ERN2: variants seen among roughly 807,000 people sequenced by gnomAD.
ERN2 encodes the protein serine/threonine-protein kinase/endoribonuclease IRE2.
ERN2 carries 111 observed loss-of-function variants against 107.9 expected under a neutral mutation model. The ratio of observed to expected loss-of-function variants is 1.03; its 90% CI spans 0.88 to 1.20. The LOEUF (loss-of-function observed/expected upper bound fraction) is 1.20. Among genes scored for constraint, ERN2 ranks in the 50% most tolerant of loss-of-function variants. The pLI, the probability that ERN2 is intolerant of heterozygous loss-of-function variation, is 0.00. For synonymous variants in ERN2, 524 were observed against 501.7 expected (o/e 1.04, Z -0.59); for missense variants, 1,225 against 1,197.9 (o/e 1.02, Z -0.33).
intron 19 of ERN2, 41 bp downstream of exon 19, chr16:23,691,922 C>G: frequency 6.3e-7 from 1 of 1,599,184 alleles, no homozygotes; most frequent in Non-Finnish European, 8.5e-7. Context: ...AGGACCCAAA[C>G]TTAGGACTTT....
intron 11 of ERN2, among the ~76,000 whole-genome samples, chr16:23,701,744 G>C (rs11074571): frequency 0.92 from 139,695 of 151,748 alleles, 64,477 homozygotes; most frequent in Non-Finnish European, 0.95. Context: ...ATCCTCCCAC[G>C]TCAGCCTCCT....
Position 23,705,284 on chromosome 16 carries a change from G to C in ERN2, c.590-137C>G, listed in dbSNP as rs538624043. On this transcript the variant is annotated intron_variant, in intron 7 of 21. Transcript: ENST00000256797. The stretch of plus-strand genomic sequence containing the variant: ...TATCTGGACATGAGAATGTTTGTTG[G>C]AGTTCATGGAGTCACTTTGAAAACG... 38 of 961,336 alleles carry C rather than the reference G, an allele frequency of 4.0e-5. 1 individual carries two copies. In the South Asian group the frequency reaches 4.8e-4, roughly 12 times the overall value. The allele number at this position is 961,336 out of a possible 1,614,324, so 59.6% of individuals were successfully genotyped here.
rs930753629 is a variant in ERN2 at position 23,706,762 on chromosome 16, C to T, written c.479G>A (p.Gly160Asp). 1 of 1,606,244 alleles carries T rather than the reference C, an allele frequency of 6.2e-7. No homozygotes were observed. ...EGPSTPRLYI[G>D]RTQYTVTMHD... is the part of the protein sequence containing the mutation. ...GCTGGGGCCCAACTCACGTGTTCGGCCAATGTAGAGGCGGGGGGTGGAGGG... is the reference window on the plus strand; with the variant it reads ...GCTGGGGCCCAACTCACGTGTTCGGTCAATGTAGAGGCGGGGGGTGGAGGG... Residue 160 changes from glycine to aspartate, a missense_variant, in exon 6 of 22, where the codon GGC becomes GAC. By Grantham distance (94) the Gly-to-Asp change is moderately conservative (BLOSUM62 -1). Transcript: ENST00000256797.
intron 13 of ERN2, among the ~76,000 whole-genome samples, chr16:23,697,682 C>T (rs1959886094): frequency 6.6e-6 from 1 of 152,166 alleles, no homozygotes; most frequent in South Asian, 2.1e-4. Context: ...TCTGCACACA[C>T]AGATATTTGT....
intron 8 of ERN2, 130 bp downstream of exon 8, chr16:23,704,753 A>C: frequency 9.3e-7 from 1 of 1,071,586 alleles, no homozygotes. Flanking sequence ...TAAGTAACCA[A>C]TTTGAAATGT....
In ERN2 at chr16:23,700,674, C is replaced by A. The variant is rs199789139; in HGVS notation, c.1390G>T (p.Glu464Ter). The change falls in exon 13 of 22, where the codon GAG (glutamate) becomes TAG (stop). Residue 464 changes from glutamate to a stop codon, truncating the protein, a stop_gained. Coordinates refer to ENST00000256797, the MANE Select transcript of ERN2 (RefSeq NM_033266.4). LOFTEE classifies it high-confidence loss of function. ...QQPQVVEKQQ[E>*]TPLAPADFAH... is the part of the protein sequence containing the mutation. ...AAGTCTGCAGGTGCCAGGGGGGTCTCCTGCTGCTTCTCCACCACCTGCGGC... is the reference window on the plus strand; with the variant it reads ...AAGTCTGCAGGTGCCAGGGGGGTCTACTGCTGCTTCTCCACCACCTGCGGC... The A allele has an allele frequency of 6.2e-7, 1 of 1,613,782 alleles. No homozygotes were observed. The highest frequency in any genetic ancestry group is 1.7e-5 in the Admixed American group (1 of 59,980).
intron 4 of ERN2, chr16:23,707,315 A>G (rs1960359928): frequency 1.9e-6 from 1 of 533,596 alleles, no homozygotes; most frequent in African/African-American, 1.9e-5. Flanking sequence ...AGCACACTGA[A>G]TCATTTTGCT....
chr16:23,695,992 G>C lies in ERN2; in HGVS notation c.1526-14C>G. The C allele has an allele frequency of 6.2e-7, 1 of 1,607,768 alleles. No homozygotes were observed. The highest frequency in any genetic ancestry group is 1.3e-5 in the African/African-American group (1 of 74,936). On this transcript the variant is annotated splice_polypyrimidine_tract_variant and intron_variant, in intron 13 of 21. Coordinates refer to ENST00000256797, the MANE Select transcript of ERN2 (RefSeq NM_033266.4). ...TGAGTTGCTCAGCTGGGGGAGAGGAGGGTGGTGACTCAGGGAGCCTCTGCC... is the reference window on the plus strand; with the variant it reads ...TGAGTTGCTCAGCTGGGGGAGAGGACGGTGGTGACTCAGGGAGCCTCTGCC...
intron 14 of ERN2, 128 bp downstream of exon 14, chr16:23,695,766 G>A: frequency 1.6e-6 from 1 of 632,400 alleles, no homozygotes; most frequent in Non-Finnish European, 2.9e-6. Flanking sequence ...GGAAAGAGCA[G>A]GACTGGCGAG....
At chr16:23,698,031 A>G (rs1006950140) in intron 13 of ERN2, among the ~76,000 whole-genome samples, 1 of 152,144 alleles carries the variant, frequency 6.6e-6, no homozygotes, top group Non-Finnish European at 1.5e-5. Flanking sequence ...TAAAGTAATC[A>G]AAAATCTCGT....
intron 6 of ERN2, 54 bp from the exon 7 acceptor site, chr16:23,706,485 A>T: frequency 1.5e-6 from 2 of 1,319,396 alleles, no homozygotes; most frequent in Non-Finnish European, 1.1e-6. Context: ...GCTCCCTCCA[A>T]CCCCAGGGGC....
chr16:23,709,364 G>GA (rs1358096631), intron 4 of ERN2: 2 of 290,700 alleles, frequency 6.9e-6, no homozygotes, highest in African/African-American at 4.5e-5. Flanking sequence ...TCAGAGTCCT[G>GA]ATGTGGAAGA....
At position 23,691,371 on chromosome 16, in the gene ERN2, G is replaced by T; in HGVS notation, c.2431C>A (p.Leu811Met). 6.2e-7 allele frequency: 1 copy of T among 1,603,212 alleles called. No homozygotes were observed. ...ACCACTGCGCAGCCTCCCGCCTCCA[G>T]TGCCCTCACCAGGGGCTCCTGCTCG... is the stretch of plus-strand genomic sequence containing the variant. The part of the protein sequence containing the change: ...ESEQEPLVRA[L>M]EAGGCAVVRD... Residue 811 changes from leucine to methionine, a missense_variant, in exon 20 of 22, where the codon CTG becomes ATG. Transcript: ENST00000256797.
intron 2 of ERN2, 59 bp from the exon 3 acceptor site, chr16:23,710,608 A>G: frequency 4.4e-6 from 7 of 1,578,714 alleles, no homozygotes; most frequent in Non-Finnish European, 5.2e-6. Flanking sequence ...TGAAAAGCAC[A>G]GCTCATATTC....
At chr16:23,697,784 GC>G in intron 13 of ERN2, among the ~76,000 whole-genome samples, 1 of 152,146 alleles carries the variant, frequency 6.6e-6, no homozygotes, top group African/African-American at 2.4e-5. Flanking sequence ...AGAAACAGGG[GC>G]TCACTCTGTC....
intron 13 of ERN2, among the ~76,000 whole-genome samples, chr16:23,699,907 T>C (rs1438413759): frequency 2.0e-5 from 3 of 152,180 alleles, no homozygotes; most frequent in African/African-American, 7.2e-5. Context: ...CATGATGAGA[T>C]GATGTAATGA....
chr16:23,710,385 A>G (rs1567255526), intron 3 of ERN2, 131 bp downstream of exon 3: 1 of 1,186,970 alleles, frequency 8.4e-7, no homozygotes, highest in Non-Finnish European at 1.3e-6. Context: ...CCTCCCCTAT[A>G]TCACATCCAG....
intron 4 of ERN2, among the ~76,000 whole-genome samples, chr16:23,707,793 A>G (rs902200558): frequency 4.6e-5 from 7 of 152,178 alleles, no homozygotes; most frequent in Non-Finnish European, 1.0e-4. Flanking sequence ...AAAATCCAAA[A>G]CAACTCACAT....
Position 23,692,246 on chromosome 16 carries a change from T to C in ERN2, c.2186A>G (p.Tyr729Cys), listed in dbSNP as rs775180385. ...GGSHPFGDSL[Y>C]RQANILTGAP... Reference sequence around the variant, plus strand: ...CCCTGTGAGGATGTTTGCCTGGCGATAAAGACTGTCTCCAAAGGGGTGGCT... The same window carrying C: ...CCCTGTGAGGATGTTTGCCTGGCGACAAAGACTGTCTCCAAAGGGGTGGCT... Residue 729 changes from tyrosine (Y) to cysteine (C), a missense_variant, in exon 18 of 22, where the codon TAT becomes TGT. Transcript: ENST00000256797. The C allele has an allele frequency of 1.2e-6, 2 of 1,614,040 alleles. No homozygotes were observed. Among genetic ancestry groups the C allele is most frequent in the Non-Finnish European group, 1.7e-6 (2 of 1,180,026 alleles).
Sources: gnomAD v4.1 joint callset for allele counts (sites outside exome capture counted in the v4.1 genomes callset) on GRCh38, gnomAD v4.1.1 for gene constraint, MANE v1.5 for transcripts, NCBI Gene and HGNC (gene_info 2026-07-23, HGNC 2026-07-21) for gene names.